ACBD6: variants seen among roughly 807,000 people sequenced by gnomAD.
ACBD6 encodes acyl-CoA-binding domain-containing protein 6.
ACBD6 carries 28 observed loss-of-function variants against 37.2 expected under a neutral mutation model. The ratio of observed to expected loss-of-function variants is 0.75; its 90% CI spans 0.56 to 1.03. The LOEUF (loss-of-function observed/expected upper bound fraction) is 1.03, where lower values mean the gene tolerates loss of function less well. ACBD6 is among the 50% of genes least tolerant of loss of function. ACBD6 has a pLI of 0.00. For synonymous variants in ACBD6, 113 were observed against 126.8 expected, an observed-to-expected ratio of 0.89 and a Z score of 0.73; for missense variants, 340 against 337.4, an observed-to-expected ratio of 1.01 and a Z score of -0.06.
chr1:180,271,025 A>G (rs1648616787), exon 14 of ACBD6: 3 of 358,068 alleles, frequency 8.4e-6, no homozygotes, highest in South Asian at 6.8e-5. Flanking sequence ...CAGCTCTGGC[A>G]AGAACTCATG....
intron 3 of ACBD6, among the ~76,000 whole-genome samples, chr1:180,432,486 T>C (rs1215208540): frequency 6.6e-6 from 1 of 151,676 alleles, no homozygotes; most frequent in African/African-American, 2.4e-5. Context: ...AGATAGCAAA[T>C]AAGCGAGTGA....
intron 3 of ACBD6, among the ~76,000 whole-genome samples, chr1:180,454,531 T>C (rs56246577): frequency 0.063 from 9,637 of 152,200 alleles, 940 homozygotes; most frequent in African/African-American, 0.21. Context: ...AAGTGGGATC[T>C]AATTAAACTA....
intron 6 of ACBD6, among the ~76,000 whole-genome samples, chr1:180,330,715 C>A (rs1404700413): frequency 1.3e-5 from 2 of 152,146 alleles, no homozygotes; most frequent in Non-Finnish European, 2.9e-5. Context: ...TTCTTAAGAG[C>A]AAGTTTGCTT....
chr1:180,388,088 A>C (rs1157725158), intron 6 of ACBD6, among the ~76,000 whole-genome samples: 4 of 151,588 alleles, frequency 2.6e-5, no homozygotes, highest in Non-Finnish European at 5.9e-5. Flanking sequence ...AGGCAGGAGA[A>C]TGGCGTGAAC....
intron 6 of ACBD6, among the ~76,000 whole-genome samples, chr1:180,347,787 C>T (rs1652245632): frequency 6.6e-6 from 1 of 151,940 alleles, no homozygotes; most frequent in South Asian, 2.1e-4. Context: ...CTGGCTAACA[C>T]GGTGAAACCC....
At chr1:180,366,888 T>C (rs1653074121) in intron 6 of ACBD6, among the ~76,000 whole-genome samples, 1 of 152,126 alleles carries the variant, frequency 6.6e-6, no homozygotes, top group African/African-American at 2.4e-5. Flanking sequence ...TGATAAACTA[T>C]GACGGCAACA....
In ACBD6 at chr1:180,456,211, C is replaced by CAA. The variant is rs753205587; in HGVS notation, c.385-25951_385-25950dup. ...TAGGCAACAGAGCGAGACACCATTT[C>CAA]AAAAAAAAAAAAAAAAAGTGACTTA... is the stretch of plus-strand genomic sequence containing the variant. On this transcript the variant is annotated intron_variant, in intron 3 of 7. Coordinates refer to ENST00000367595, the MANE Select transcript of ACBD6 (RefSeq NM_032360.4). 6.6e-3 allele frequency among the ~76,000 whole-genome samples: 700 copies of CAA among 106,708 alleles called. 4 individuals are homozygous for CAA. Among genetic ancestry groups the CAA allele is most frequent in the Non-Finnish European group, 9.3e-3 (442 of 47,310 alleles). 70.0% of individuals were successfully genotyped at this position (106,708 alleles called of 152,430 possible).
chr1:180,477,086 CTA>C (rs1404365951), intron 3 of ACBD6, among the ~76,000 whole-genome samples: 2 of 152,054 alleles, frequency 1.3e-5, no homozygotes, highest in African/African-American at 4.8e-5. Context: ...CCTATATACA[CTA>C]TGTTTTTTCC....
intron 6 of ACBD6, among the ~76,000 whole-genome samples, chr1:180,370,520 C>T (rs1653222285): frequency 6.6e-6 from 1 of 152,122 alleles, no homozygotes; most frequent in Non-Finnish European, 1.5e-5. Flanking sequence ...GGAAAGACAA[C>T]ACAAAGTGGA....
chr1:180,368,717 CAT>C (rs35113782), intron 6 of ACBD6, among the ~76,000 whole-genome samples: 53 of 148,420 alleles, frequency 3.6e-4, no homozygotes, highest in South Asian at 6.3e-4. Context: ...ATTATTTTTT[CAT>C]ATATATATAT....
intron 7 of ACBD6, among the ~76,000 whole-genome samples, chr1:180,310,230 C>T (rs1230306874): frequency 1.3e-5 from 2 of 152,022 alleles, no homozygotes; most frequent in African/African-American, 2.4e-5. Flanking sequence ...TGTAGTGGTG[C>T]GTGCCTGTAG....
intron 4 of ACBD6, among the ~76,000 whole-genome samples, chr1:180,421,478 T>C (rs986180616): frequency 2.0e-5 from 3 of 152,238 alleles, no homozygotes; most frequent in Admixed American, 1.3e-4. Flanking sequence ...CACGTAACTT[T>C]ATAACAGAAT....
chr1:180,277,796 A>G (rs922871202), intron 9 of ACBD6: 1 of 152,080 alleles, frequency 6.6e-6, no homozygotes, highest in African/African-American at 2.4e-5. Flanking sequence ...TGTTCCTGCA[A>G]ATGAATACTG....
intron 5 of ACBD6, among the ~76,000 whole-genome samples, chr1:180,404,757 C>T (rs969054801): frequency 1.3e-5 from 2 of 152,088 alleles, no homozygotes; most frequent in African/African-American, 4.8e-5. Context: ...AGCACCTGGC[C>T]TCATGTGAGC....
intron 4 of ACBD6, among the ~76,000 whole-genome samples, chr1:180,422,290 C>T (rs1309406519): frequency 6.6e-6 from 1 of 151,940 alleles, no homozygotes; most frequent in African/African-American, 2.4e-5. Context: ...ACTGCAACCT[C>T]CACCTCCCGG....
chr1:180,283,020 G>A (rs1213953283), intron 8 of ACBD6, among the ~76,000 whole-genome samples: 3 of 137,664 alleles, frequency 2.2e-5, no homozygotes, highest in East Asian at 4.3e-4. Flanking sequence ...CACAAACGGA[G>A]CTAAAGTGCT....
intron 7 of ACBD6, among the ~76,000 whole-genome samples, chr1:180,294,947 C>T (rs753827776): frequency 3.9e-5 from 6 of 152,136 alleles, no homozygotes; most frequent in Non-Finnish European, 7.4e-5. Context: ...GATCCTTCTG[C>T]ACTGGTCTCC....
chr1:180,383,490 T>G (rs931098449), intron 6 of ACBD6, among the ~76,000 whole-genome samples: 6 of 151,906 alleles, frequency 3.9e-5, no homozygotes, highest in African/African-American at 1.5e-4. Context: ...AGGTGAAAGA[T>G]CTCTATAAGG....
chr1:180,339,149 A>C (rs1252560580), intron 6 of ACBD6, among the ~76,000 whole-genome samples: 1 of 152,250 alleles, frequency 6.6e-6, no homozygotes, highest in Non-Finnish European at 1.5e-5. Context: ...TAGAACTAGA[A>C]ATATCATTTG....
Sources: gnomAD v4.1 joint callset for allele counts (sites outside exome capture counted in the v4.1 genomes callset) on GRCh38, gnomAD v4.1.1 for gene constraint, MANE v1.5 for transcripts, NCBI Gene and HGNC (gene_info 2026-07-23, HGNC 2026-07-21) for gene names.